The following DOCK3 variants were observed in gnomAD, a reference collection of about 807,000 sequenced individuals.
DOCK3 encodes the protein dedicator of cytokinesis 3.
A neutral mutation model predicts 265.6 loss-of-function variants in DOCK3; 60 were observed. That is an observed-to-expected ratio of 0.23 (90% CI 0.18 to 0.28). DOCK3 has a LOEUF of 0.28. DOCK3 is among the 10% of genes least tolerant of loss of function. The probability of loss-of-function intolerance (pLI) is 1.00; values close to 1 mark genes in which losing one functional copy is unlikely to be tolerated. For synonymous variants in DOCK3, 881 were observed against 938.0 expected (o/e 0.94, Z 1.11); for missense variants, 1,981 against 2,594.3 (o/e 0.76, Z 5.14).
intron 1 of DOCK3, among the ~76,000 whole-genome samples, chr3:50,729,879 G>GAGCACAGT (rs931625789): frequency 1.4e-5 from 2 of 148,070 alleles, no homozygotes; most frequent in African/African-American, 5.0e-5. Context: ...GCCCAGGCTG[G>GAGCACAGT]AGCACAGTGG....
intron 10 of DOCK3, among the ~76,000 whole-genome samples, chr3:51,148,993 T>G (rs2085438891): frequency 6.6e-6 from 1 of 152,242 alleles, no homozygotes; most frequent in Non-Finnish European, 1.5e-5. Context: ...TATTCTTCCA[T>G]TTGTTTGTGT....
At chr3:50,725,637 T>A (rs1228845678) in intron 1 of DOCK3, among the ~76,000 whole-genome samples, 1 of 152,178 alleles carries the variant, frequency 6.6e-6, no homozygotes, top group Non-Finnish European at 1.5e-5. Flanking sequence ...CACTTTTGCT[T>A]ACCTACTCAC....
chr3:51,024,247 G>T (rs946816581), intron 5 of DOCK3, among the ~76,000 whole-genome samples: 2 of 152,096 alleles, frequency 1.3e-5, no homozygotes, highest in South Asian at 2.1e-4. Context: ...TCTCCTATTG[G>T]GTTGGAATGG....
intron 4 of DOCK3, among the ~76,000 whole-genome samples, chr3:50,908,314 G>A (rs185532639): frequency 5.3e-5 from 8 of 150,722 alleles, no homozygotes; most frequent in South Asian, 2.1e-4. Context: ...TAGTTGTGAT[G>A]TTAGGCTGCT....
chr3:51,336,749 G>A, intron 35 of DOCK3: 1 of 399,024 alleles, frequency 2.5e-6, no homozygotes, highest in South Asian at 1.9e-5. Context: ...GATGCCCCTG[G>A]TATCACAGTG....
chr3:51,112,321 A>G (rs1168550867), intron 9 of DOCK3, among the ~76,000 whole-genome samples: 1 of 152,202 alleles, frequency 6.6e-6, no homozygotes, highest in African/African-American at 2.4e-5. Flanking sequence ...AATTATAAGT[A>G]AAAAAGCCAG....
intron 9 of DOCK3, among the ~76,000 whole-genome samples, chr3:51,137,173 T>C (rs374358257): frequency 2.0e-4 from 30 of 152,282 alleles, no homozygotes; most frequent in African/African-American, 7.0e-4. Flanking sequence ...ACTTAAAGAA[T>C]TTGAGAAATA....
intron 5 of DOCK3, among the ~76,000 whole-genome samples, chr3:50,978,734 C>T (rs1249928916): frequency 6.6e-6 from 1 of 152,230 alleles, no homozygotes; most frequent in Admixed American, 6.5e-5. Flanking sequence ...GCGGGCGCCC[C>T]TCCCCCAGCC....
chr3:51,193,087 C>T (rs2088049182), intron 12 of DOCK3, among the ~76,000 whole-genome samples: 1 of 152,046 alleles, frequency 6.6e-6, no homozygotes, highest in Non-Finnish European at 1.5e-5. Context: ...TTCAGATATG[C>T]TCTTTCTATG....
At chr3:51,298,969 C>T (rs1041501978) in intron 27 of DOCK3, among the ~76,000 whole-genome samples, 1 of 152,146 alleles carries the variant, frequency 6.6e-6, no homozygotes, top group African/African-American at 2.4e-5. Context: ...GGTATTTTTG[C>T]TTCTAGGTCT....
At chr3:51,236,117 C>CT (rs917470723) in intron 19 of DOCK3, among the ~76,000 whole-genome samples, 1 of 152,224 alleles carries the variant, frequency 6.6e-6, no homozygotes, top group African/African-American at 2.4e-5. Context: ...AAGAGCCTCT[C>CT]TAAGTCTTTC....
At chr3:51,334,014 G>GT (rs915106330) in intron 35 of DOCK3, among the ~76,000 whole-genome samples, 2 of 151,784 alleles carry the variant, frequency 1.3e-5, no homozygotes, top group Admixed American at 1.3e-4. Flanking sequence ...CTAATTTTTT[G>GT]TTTTTTGTTT....
intron 5 of DOCK3, among the ~76,000 whole-genome samples, chr3:51,060,553 C>T (rs1270372332): frequency 6.6e-6 from 1 of 152,152 alleles, no homozygotes; most frequent in African/African-American, 2.4e-5. Flanking sequence ...TTTAATCCAT[C>T]TTGAATTAAT....
intron 4 of DOCK3, among the ~76,000 whole-genome samples, chr3:50,906,914 C>T (rs907255029): frequency 6.6e-6 from 1 of 152,114 alleles, no homozygotes; most frequent in African/African-American, 2.4e-5. Flanking sequence ...TTTCCCTCTA[C>T]ACACTGCTTT....
At chr3:50,897,583 G>T (rs1350565506) in intron 4 of DOCK3, among the ~76,000 whole-genome samples, 2 of 152,160 alleles carry the variant, frequency 1.3e-5, no homozygotes, top group Non-Finnish European at 2.9e-5. Flanking sequence ...AATGCTTCCA[G>T]CTTTTGCCCA....
At chr3:51,142,413 C>T (rs2085104967) in intron 9 of DOCK3, among the ~76,000 whole-genome samples, 1 of 152,176 alleles carries the variant, frequency 6.6e-6, no homozygotes, top group African/African-American at 2.4e-5. Context: ...CCTTCTTCCC[C>T]AGCCCTAGCA....
At chr3:50,688,610 A>G (rs980478487) in intron 1 of DOCK3, among the ~76,000 whole-genome samples, 1 of 152,106 alleles carries the variant, frequency 6.6e-6, no homozygotes, top group Non-Finnish European at 1.5e-5. Flanking sequence ...TTATAGGCGC[A>G]TGCCACCAAG....
At chr3:51,165,698 T>A (rs1335339637) in intron 12 of DOCK3, among the ~76,000 whole-genome samples, 1 of 152,208 alleles carries the variant, frequency 6.6e-6, no homozygotes, top group African/African-American at 2.4e-5. Context: ...TATGTAGTAT[T>A]TGTCTTCCAT....
intron 4 of DOCK3, among the ~76,000 whole-genome samples, chr3:50,905,172 G>A (rs1388733383): frequency 4.6e-5 from 7 of 152,102 alleles, no homozygotes; most frequent in Admixed American, 3.9e-4. Context: ...CAGCCTTGTA[G>A]TATAGTTTGA....
Sources: gnomAD v4.1 joint callset for allele counts (sites outside exome capture counted in the v4.1 genomes callset) on GRCh38, gnomAD v4.1.1 for gene constraint, MANE v1.5 for transcripts, NCBI Gene and HGNC (gene_info 2026-07-23, HGNC 2026-07-21) for gene names.